TNIK: variants seen among roughly 807,000 people sequenced by gnomAD.
TNIK encodes the protein TRAF2 and NCK interacting kinase, also known as TRAF2 and NCK-interacting protein kinase.
In TNIK, 49 loss-of-function variants were observed where a neutral mutation model predicts 191.3. That is an observed-to-expected ratio of 0.26 (90% confidence interval 0.20 to 0.32). TNIK has a LOEUF of 0.32. Among genes scored for constraint, TNIK ranks in the 10% least tolerant of loss-of-function variants. The probability of loss-of-function intolerance (pLI) is 1.00; values close to 1 mark genes in which losing one functional copy is unlikely to be tolerated. For missense variants in TNIK, 1,155 were observed against 1,702.3 expected (o/e 0.68, Z 5.66); for synonymous variants, 594 against 600.9 (o/e 0.99, Z 0.17).
intron 2 of TNIK, among the ~76,000 whole-genome samples, chr3:171,322,601 A>T (rs142335832): frequency 6.6e-6 from 1 of 152,288 alleles, no homozygotes; most frequent in East Asian, 1.9e-4. Context: ...AATATGTCAC[A>T]CGTAACTTGA....
chr3:171,254,080 G>C (rs2109095454), intron 2 of TNIK, among the ~76,000 whole-genome samples: 4 of 152,200 alleles, frequency 2.6e-5, no homozygotes, highest in Middle Eastern at 6.8e-3. Context: ...AAGTGCAAAT[G>C]ATTAATATTA....
intron 9 of TNIK, among the ~76,000 whole-genome samples, chr3:171,174,880 G>A (rs1418819782): frequency 2.0e-5 from 3 of 152,166 alleles, no homozygotes; most frequent in Non-Finnish European, 4.4e-5. Context: ...AGGAATAGAA[G>A]AGAAATCAGC....
chr3:171,442,326 G>T (rs1308308357), intron 1 of TNIK, among the ~76,000 whole-genome samples: 1 of 152,088 alleles, frequency 6.6e-6, no homozygotes, highest in Non-Finnish European at 1.5e-5. Flanking sequence ...GCCTCAAAGG[G>T]ACAGAGAACT....
In TNIK at chr3:171,060,432, G is replaced by C. The variant is rs116123025; in HGVS notation, c.*3449C>G. On this transcript the variant is annotated 3_prime_UTR_variant, in exon 33 of 33. Coordinates refer to ENST00000436636, the MANE Select transcript of TNIK (RefSeq NM_015028.4). ...ATGTACTTGATGCAAAGTATATTAG[G>C]AGTGCACCCTAGAAAACAATGTCAA... Among the ~76,000 whole-genome samples, 645 of 152,228 alleles carry C rather than the reference G, an allele frequency of 4.2e-3. 4 individuals are homozygous for C. The highest frequency in any genetic ancestry group is 0.015 in the African/African-American group (604 of 41,538).
intron 2 of TNIK, among the ~76,000 whole-genome samples, chr3:171,322,834 CTTTTCTT>C (rs1268578864): frequency 8.3e-5 from 9 of 109,006 alleles, no homozygotes; most frequent in African/African-American, 2.6e-4. Flanking sequence ...TTGTTGTTTT[CTTTTCTT>C]TTTTTTTTTT....
At chr3:171,412,871 T>C (rs996269978) in intron 1 of TNIK, among the ~76,000 whole-genome samples, 3 of 152,190 alleles carry the variant, frequency 2.0e-5, no homozygotes, top group Admixed American at 6.5e-5. Context: ...ATGGTAACTA[T>C]TTTTTTGTTA....
intron 1 of TNIK, among the ~76,000 whole-genome samples, chr3:171,374,983 T>C (rs1251986576): frequency 6.6e-6 from 1 of 152,178 alleles, no homozygotes; most frequent in African/African-American, 2.4e-5. Context: ...TTGACTCAGA[T>C]GGTCAGACTC....
intron 18 of TNIK, among the ~76,000 whole-genome samples, chr3:171,118,543 A>G (rs1206208280): frequency 6.6e-6 from 1 of 152,184 alleles, no homozygotes; most frequent in East Asian, 1.9e-4. Context: ...AAACTATACT[A>G]CAAGGCTACA....
chr3:171,367,160 A>G (rs922298049), intron 2 of TNIK, among the ~76,000 whole-genome samples: 2 of 152,226 alleles, frequency 1.3e-5, no homozygotes, highest in Non-Finnish European at 1.5e-5. Flanking sequence ...TAACATTTCT[A>G]TTTATACCTA....
intron 2 of TNIK, among the ~76,000 whole-genome samples, chr3:171,268,135 A>G (rs146330671): frequency 6.6e-6 from 1 of 152,138 alleles, no homozygotes; most frequent in Non-Finnish European, 1.5e-5. Flanking sequence ...ATAGAATATT[A>G]TGCTTCCCAG....
chr3:171,309,260 T>C (rs1753772578), intron 2 of TNIK, among the ~76,000 whole-genome samples: 1 of 152,120 alleles, frequency 6.6e-6, no homozygotes, highest in Non-Finnish European at 1.5e-5. Context: ...GCAACATGGA[T>C]GGAGCTGGAG....
At position 171,159,720 on chromosome 3, in the gene TNIK, C is replaced by T. The variant is rs961652091; in HGVS notation, c.1016+1550G>A. Among the ~76,000 whole-genome samples the T allele has an allele frequency of 1.3e-5, 2 of 152,208 alleles. No individual in the cohort carries two copies. The highest frequency in any genetic ancestry group is 2.4e-5 in the African/African-American group (1 of 41,452). ...CTCTGTGTGTGACCTGGGTGCAACCCTTAGGCTGTCGCCTCATTTCTAAAA... is the reference window on the plus strand; with the variant it reads ...CTCTGTGTGTGACCTGGGTGCAACCTTTAGGCTGTCGCCTCATTTCTAAAA... On this transcript the variant is annotated intron_variant, in intron 11 of 32. Transcript: ENST00000436636. The surrounding 1 kb of genome is among the most constrained non-coding windows in gnomAD (Gnocchi z 4.1).
At position 171,114,411 on chromosome 3, in the gene TNIK, C is replaced by T. The variant is rs141213602; in HGVS notation, c.2121-3534G>A. Among the ~76,000 whole-genome samples the T allele has an allele frequency of 3.9e-3, 590 of 152,248 alleles. 2 individuals carry two copies. Among genetic ancestry groups the T allele is most frequent in the African/African-American group, 0.013 (552 of 41,538 alleles). On this transcript the variant is annotated intron_variant, in intron 18 of 32. Coordinates refer to ENST00000436636, the MANE Select transcript of TNIK (RefSeq NM_015028.4). ...TTCTCCCATAAATTTGGATATGACCCCTTCCTTTGAGATACTTTTAGTTTA... is the reference window on the plus strand; with the variant it reads ...TTCTCCCATAAATTTGGATATGACCTCTTCCTTTGAGATACTTTTAGTTTA...
intron 1 of TNIK, among the ~76,000 whole-genome samples, chr3:171,372,643 C>G (rs1175094239): frequency 1.3e-5 from 2 of 152,182 alleles, no homozygotes; most frequent in African/African-American, 4.8e-5. Flanking sequence ...TGGGATGCCC[C>G]CCAATACCCG....
chr3:171,139,786 G>C (rs761047608), intron 13 of TNIK, among the ~76,000 whole-genome samples: 2 of 152,136 alleles, frequency 1.3e-5, no homozygotes, highest in Non-Finnish European at 2.9e-5. Context: ...GCGATGTCTC[G>C]GCATTTTACT....
chr3:171,376,746 TGATAGATAGATA>T lies in TNIK; in HGVS notation c.58-7073_58-7062del, dbSNP rs3084308. Among the ~76,000 whole-genome samples, 233 of 148,778 alleles carry T rather than the reference TGATAGATAGATA, an allele frequency of 1.6e-3. 1 individual carries two copies. The highest frequency in any genetic ancestry group is 3.4e-3 in the Middle Eastern group (1 of 292). On this transcript the variant is annotated intron_variant, in intron 1 of 32. Transcript: ENST00000436636. ...AAATATATACAGATAGATAGATAGA[TGATAGATAGATA>T]GATAGATAGATAGATAGATAGATAG...
At chr3:171,091,667 G>A (rs956246723) in intron 23 of TNIK, among the ~76,000 whole-genome samples, 24 of 152,036 alleles carry the variant, frequency 1.6e-4, no homozygotes, top group African/African-American at 5.8e-4. Context: ...CCCAGGAGGT[G>A]GAGGTTGCAG....
intron 3 of TNIK, among the ~76,000 whole-genome samples, chr3:171,217,516 T>G (rs541626807): frequency 6.6e-6 from 1 of 151,942 alleles, no homozygotes; most frequent in East Asian, 1.9e-4. Flanking sequence ...GCATCAAACC[T>G]GCACATGTAC....
chr3:171,215,041 T>C (rs897735427), intron 3 of TNIK, among the ~76,000 whole-genome samples: 4 of 152,132 alleles, frequency 2.6e-5, no homozygotes, highest in Non-Finnish European at 5.9e-5. Flanking sequence ...CTTAGCCACA[T>C]GTCTTGCTTT....
Sources: allele counts gnomAD v4.1 joint callset (sites outside exome capture counted in the v4.1 genomes callset), GRCh38; gene constraint gnomAD v4.1.1; non-coding constraint Gnocchi (gnomAD v3.1); transcripts MANE v1.5; gene names NCBI Gene and HGNC (gene_info 2026-07-23, HGNC 2026-07-21).